Variants in CCSER1 observed in about 807,000 individuals in gnomAD.
CCSER1 encodes coiled-coil serine rich protein 1, also known as serine-rich coiled-coil domain-containing protein 1.
A neutral mutation model predicts 82.0 loss-of-function variants in CCSER1; 41 were observed. The ratio of observed to expected loss-of-function variants is 0.50; its 90% confidence interval spans 0.39 to 0.65. The LOEUF is 0.65. Among genes scored for constraint, CCSER1 ranks in the 30% least tolerant of loss-of-function variants. CCSER1 has a pLI of 0.00. For synonymous variants in CCSER1, 414 were observed against 383.9 expected, an observed-to-expected ratio of 1.08 and a Z score of -0.92; for missense variants, 1,119 against 1,064.2, an observed-to-expected ratio of 1.05 and a Z score of -0.72.
At chr4:90,616,666 CAG>C (rs1399372051) in intron 5 of CCSER1, among the ~76,000 whole-genome samples, 1 of 149,226 alleles carries the variant, frequency 6.7e-6, no homozygotes, top group Non-Finnish European at 1.5e-5. Context: ...GCCTGGGCCA[CAG>C]AGTGTGGCTC....
intron 10 of CCSER1, among the ~76,000 whole-genome samples, chr4:91,536,514 A>C (rs1761304536): frequency 6.6e-6 from 1 of 152,086 alleles, no homozygotes; most frequent in Non-Finnish European, 1.5e-5. Context: ...CTGATAAATG[A>C]ACTCCCTTCC....
At chr4:90,674,107 TTGTAA>T (rs1733333525) in intron 6 of CCSER1, among the ~76,000 whole-genome samples, 1 of 151,996 alleles carries the variant, frequency 6.6e-6, no homozygotes, top group Admixed American at 6.6e-5. Context: ...CTATTTAGCT[TTGTAA>T]AGGATTTATA....
intron 7 of CCSER1, among the ~76,000 whole-genome samples, chr4:90,776,747 T>C (rs1006601638): frequency 4.6e-5 from 7 of 152,204 alleles, no homozygotes; most frequent in African/African-American, 1.2e-4. Flanking sequence ...TTCCCCATTT[T>C]ACAAATGAGG....
intron 10 of CCSER1, among the ~76,000 whole-genome samples, chr4:91,475,419 G>A (rs1447771212): frequency 1.3e-5 from 2 of 151,746 alleles, no homozygotes; most frequent in Admixed American, 6.6e-5. Context: ...GTCAACTAAG[G>A]TCCTATTCAT....
chr4:90,896,022 T>C (rs975582489), intron 8 of CCSER1, among the ~76,000 whole-genome samples: 1 of 151,812 alleles, frequency 6.6e-6, no homozygotes, highest in Admixed American at 6.6e-5. Context: ...GGAAAAAATA[T>C]GAAGGGCTAT....
intron 6 of CCSER1, among the ~76,000 whole-genome samples, chr4:90,639,445 A>G (rs1579639840): frequency 6.6e-6 from 1 of 152,098 alleles, no homozygotes; most frequent in South Asian, 2.1e-4. Context: ...ACCACTCCAC[A>G]AAAGTACTAC....
chr4:91,097,417 A>T (rs1355345022), intron 10 of CCSER1, among the ~76,000 whole-genome samples: 12 of 152,206 alleles, frequency 7.9e-5, no homozygotes, highest in Admixed American at 7.9e-4. Context: ...GATCACTTTT[A>T]TATAATTTGC....
chr4:91,568,153 T>C (rs2110275206), intron 10 of CCSER1, among the ~76,000 whole-genome samples: 1 of 152,310 alleles, frequency 6.6e-6, no homozygotes, highest in East Asian at 1.9e-4. Context: ...TTTTCTTCTT[T>C]AAGAATGTTG....
chr4:90,949,822 C>T (rs1406151567), intron 9 of CCSER1, among the ~76,000 whole-genome samples: 1 of 151,968 alleles, frequency 6.6e-6, no homozygotes, highest in Non-Finnish European at 1.5e-5. Context: ...ACATATAGAG[C>T]ATTTATATCT....
intron 7 of CCSER1, among the ~76,000 whole-genome samples, chr4:90,768,009 C>A (rs1751506436): frequency 6.6e-6 from 1 of 152,172 alleles, no homozygotes; most frequent in Non-Finnish European, 1.5e-5. Flanking sequence ...CCCAGTGATT[C>A]TCCCTTCTCA....
intron 5 of CCSER1, among the ~76,000 whole-genome samples, chr4:90,496,971 C>CAAAAAAAAAAAAAAAAAAAAAAAAAA (rs771281710): frequency 1.8e-5 from 1 of 55,226 alleles, no homozygotes; most frequent in African/African-American, 5.6e-5. Flanking sequence ...AGCGAGACTA[C>CAAAAAAAAAAAAAAAAAAAAAAAAAA]AAAAAAAAAA....
intron 5 of CCSER1, among the ~76,000 whole-genome samples, chr4:90,563,110 C>A (rs1037289771): frequency 6.6e-6 from 1 of 150,416 alleles, no homozygotes; most frequent in South Asian, 2.1e-4. Flanking sequence ...TTTCATTTAA[C>A]AAATTTTTAT....
intron 1 of CCSER1, among the ~76,000 whole-genome samples, chr4:90,221,174 A>G (rs937087549): frequency 7.2e-5 from 11 of 152,180 alleles, no homozygotes; most frequent in African/African-American, 2.7e-4. Flanking sequence ...GTAAAATCCT[A>G]AACTATTATA....
intron 4 of CCSER1, among the ~76,000 whole-genome samples, chr4:90,433,040 T>A (rs752049764): frequency 4.5e-4 from 68 of 152,086 alleles, no homozygotes; most frequent in Non-Finnish European, 8.2e-4. Context: ...TAAGTGGTGG[T>A]AAATCACAAA....
Position 90,161,703 on chromosome 4 carries a change from C to T in CCSER1, c.-42+33872C>T, listed in dbSNP as rs144708932. On this transcript the variant is annotated intron_variant, in intron 1 of 10. Transcript: ENST00000509176. Reference sequence around the variant, plus strand: ...TGTGAATTAATAATAATAGGTAAAACGTGGGTTTAAAACTTGAAGTCTTTA... The same window carrying T: ...TGTGAATTAATAATAATAGGTAAAATGTGGGTTTAAAACTTGAAGTCTTTA... Among the ~76,000 whole-genome samples, 230 of 151,946 alleles carry T rather than the reference C, an allele frequency of 1.5e-3. 3 individuals carry two copies. In the East Asian group the frequency reaches 0.029, roughly 19 times the overall value.
At position 90,462,182 on chromosome 4, in the gene CCSER1, G is replaced by A. The variant is rs115851057; in HGVS notation, c.1604-6052G>A. Among the ~76,000 whole-genome samples, 1,207 of 147,810 alleles carry A rather than the reference G, an allele frequency of 8.2e-3. 8 individuals carry two copies. The highest frequency in any genetic ancestry group is 0.012 in the Non-Finnish European group (827 of 67,968). On this transcript the variant is annotated intron_variant, in intron 4 of 10. Coordinates refer to ENST00000509176, the MANE Select transcript of CCSER1 (RefSeq NM_001145065.2). The stretch of plus-strand genomic sequence containing the variant: ...ATTTTGGTATTTACAATACCAAAAT[G>A]TCATTGTTACTTATGTATTTATCAA...
At chr4:91,477,479 A>AT (rs902492025) in intron 10 of CCSER1, among the ~76,000 whole-genome samples, 2 of 151,434 alleles carry the variant, frequency 1.3e-5, no homozygotes, top group East Asian at 1.9e-4. Context: ...TATAGCTCCA[A>AT]TTTTTTTTAT....
intron 10 of CCSER1, among the ~76,000 whole-genome samples, chr4:91,219,308 C>CTTT (rs59884169): frequency 0.011 from 1,132 of 99,822 alleles, 28 homozygotes; most frequent in African/African-American, 0.03. Context: ...TACAGTTTGG[C>CTTT]TTTTTTTTTT....
intron 10 of CCSER1, among the ~76,000 whole-genome samples, chr4:91,577,842 C>T (rs1763523317): frequency 6.6e-6 from 1 of 151,898 alleles, no homozygotes; most frequent in African/African-American, 2.4e-5. Flanking sequence ...TATGTGCATA[C>T]ATTTTTGCTT....
Sources: allele counts gnomAD v4.1 joint callset (sites outside exome capture counted in the v4.1 genomes callset), GRCh38; gene constraint gnomAD v4.1.1; transcripts MANE v1.5; gene names NCBI Gene and HGNC (gene_info 2026-07-23, HGNC 2026-07-21).